Variants in RFNG observed in about 807,000 individuals in gnomAD.
RFNG encodes RFNG O-fucosylpeptide 3-beta-N-acetylglucosaminyltransferase.
A neutral mutation model predicts 29.6 loss-of-function variants in RFNG; 37 were observed. The observed-to-expected ratio is 1.25, with a 90% CI of 0.96 to 1.65. RFNG has a LOEUF of 1.65. Ranked by LOEUF, RFNG falls within the 40% of genes most tolerant of loss-of-function variation. RFNG has a pLI of 0.00. For missense variants in RFNG, 546 were observed against 457.0 expected, an observed-to-expected ratio of 1.19 and a Z score of -1.78; for synonymous variants, 276 against 197.3, an observed-to-expected ratio of 1.40 and a Z score of -3.34.
At position 82,048,531 on chromosome 17, in the gene RFNG, C is replaced by A; in HGVS notation, c.*195G>T. 1.7e-6 allele frequency: 1 copy of A among 596,330 alleles called. No homozygotes were observed. Among genetic ancestry groups the A allele is most frequent in the Non-Finnish European group, 3.0e-6 (1 of 333,602 alleles). The allele number at this position is 596,330 out of a possible 1,614,324, so 36.9% of individuals were successfully genotyped here. The stretch of plus-strand genomic sequence containing the variant: ...GGCCATCAGCCTGGCTGTCTTCGTT[C>A]TCCCAAAACACCCATCACCGCAGCC... On this transcript the variant is annotated 3_prime_UTR_variant, in exon 8 of 8. Coordinates refer to ENST00000310496, the MANE Select transcript of RFNG (RefSeq NM_002917.2).
chr17:82,051,754 G>C lies in RFNG; in HGVS notation c.13C>G (p.Arg5Gly), dbSNP rs1481890738. 2 of 1,087,432 alleles carry C rather than the reference G, an allele frequency of 1.8e-6. No individual in the cohort carries two copies. The highest frequency in any genetic ancestry group is 1.7e-5 in the African/African-American group (1 of 59,086). 67.4% of individuals were successfully genotyped at this position (1,087,432 alleles called of 1,614,324 possible). A position where few individuals can be genotyped will look rare whatever the true frequency, so the allele number is the denominator to read the frequency against. ...AGGCAGGCCCGGCACAGCGCCCCACGCGCGCGGCTCATGCGGCCGCCGGGA... is the reference window on the plus strand; with the variant it reads ...AGGCAGGCCCGGCACAGCGCCCCACCCGCGCGGCTCATGCGGCCGCCGGGA... MSRA[R>G]GALCRACLAL... The change falls in exon 1 of 8, where the codon CGT becomes GGT. Residue 5 changes from arginine to glycine, a missense_variant. Physicochemically the swap from Arg to Gly is moderately radical, Grantham distance 125. Coordinates refer to ENST00000310496, the MANE Select transcript of RFNG (RefSeq NM_002917.2). The surrounding 1 kb of genome is among the most constrained non-coding windows in gnomAD (Gnocchi z 4.1).
chr17:82,049,457 T>C (rs1179189838), intron 6 of RFNG: 1 of 715,690 alleles, frequency 1.4e-6, no homozygotes, highest in South Asian at 1.5e-5. Flanking sequence ...CCGAGAACTG[T>C]GCTTCTCCCC....
Position 82,051,222 on chromosome 17 carries a change from G to C in RFNG, c.316+72C>G. On this transcript the variant is annotated intron_variant, in intron 2 of 7. Coordinates refer to ENST00000310496, the MANE Select transcript of RFNG (RefSeq NM_002917.2). This position sits in a 1 kb window ranked among gnomAD's most constrained non-coding sequence, Gnocchi z 4.1. Reference sequence around the variant, plus strand: ...GAGAAAGGCACCCACAGCAGCGAAGGGGCCGTGGCTTCGGAGCGAGAAAGG... The same window carrying C: ...GAGAAAGGCACCCACAGCAGCGAAGCGGCCGTGGCTTCGGAGCGAGAAAGG... The C allele has an allele frequency of 7.6e-7, 1 of 1,311,656 alleles. No homozygotes were observed. The highest frequency in any genetic ancestry group is 3.0e-5 in the East Asian group (1 of 32,798). The allele number at this position is 1,311,656 out of a possible 1,614,324, so 81.3% of individuals were successfully genotyped here.
chr17:82,048,857 GGGGC>G, intron 7 of RFNG, 50 bp from the exon 8 acceptor site: 2 of 1,555,192 alleles, frequency 1.3e-6, no homozygotes, highest in Non-Finnish European at 1.8e-6. Flanking sequence ...GAGAGAAGCG[GGGGC>G]CAGGGCCGTG....
chr17:82,049,993 T>C lies in RFNG; in HGVS notation c.587A>G (p.Lys196Arg). The change falls in exon 5 of 8, where the codon AAG (lysine) becomes AGG (arginine). Residue 196 changes from lysine (K) to arginine (R), a missense_variant. Lys to Arg is a conservative substitution (Grantham distance 26, BLOSUM62 2). Coordinates refer to ENST00000310496, the MANE Select transcript of RFNG (RefSeq NM_002917.2). ...GGCCCCACCAGTAGCAAACCAGAAC[T>C]TGACCGTGGTCACCTGAAGATGGGG... ...VQGGRTVTTVKFWFATGGAGF... is the reference protein window; with the variant it reads ...VQGGRTVTTVRFWFATGGAGF... 6.2e-7 allele frequency: 1 copy of C among 1,611,190 alleles called. No individual in the cohort carries two copies. The highest frequency in any genetic ancestry group is 8.5e-7 in the Non-Finnish European group (1 of 1,179,024).
rs572737101 is a variant in RFNG, at chr17:82,050,237, C to T, written c.573+165G>A. ...CCTCTCTGCCCAGTACGGTGAGGGC[C>T]TCCTGGCCTGCTCCTGAAACACCAC... On this transcript the variant is annotated intron_variant, in intron 4 of 7. Coordinates refer to ENST00000310496, the MANE Select transcript of RFNG (RefSeq NM_002917.2). 1.4e-5 allele frequency: 13 copies of T among 906,056 alleles called. 1 individual carries two copies. The Middle Eastern group carries it at 8.9e-4, about 62-fold the overall frequency. The allele number at this position is 906,056 out of a possible 1,614,324, so 56.1% of individuals were successfully genotyped here.
In RFNG at chr17:82,051,807, G is replaced by C; in HGVS notation, c.-41C>G. ...CCCGGCGCTGCGAGCGGAGAACCTG[G>C]CCGGAGCCGTGGGTGGGCGGCGGCC... On this transcript the variant is annotated 5_prime_UTR_variant, in exon 1 of 8. Coordinates refer to ENST00000310496, the MANE Select transcript of RFNG (RefSeq NM_002917.2). The surrounding 1 kb of genome is among the most constrained non-coding windows in gnomAD (Gnocchi z 4.1). The C allele has an allele frequency of 8.8e-7, 1 of 1,133,248 alleles. No homozygotes were observed. Among genetic ancestry groups the C allele is most frequent in the Non-Finnish European group, 1.1e-6 (1 of 923,928 alleles). The allele number at this position is 1,133,248 out of a possible 1,614,324, so 70.2% of individuals were successfully genotyped here. A position where few individuals can be genotyped will look rare whatever the true frequency, so the allele number is the denominator to read the frequency against.
At chr17:82,048,885 C>G (rs866851454) in intron 7 of RFNG, 78 bp from the exon 8 acceptor site, 22 of 1,446,166 alleles carry the variant, frequency 1.5e-5, no homozygotes, top group African/African-American at 1.3e-4. Context: ...GGCGGGAGAA[C>G]CTGGGGTCAG....
chr17:82,051,373 G>C lies in RFNG; in HGVS notation c.268-31C>G. ...GGAGAAACAATCTATGAGGCTTCTG[G>C]GGCGCTGCCCAGGCCGGAGACCGAC... is the stretch of plus-strand genomic sequence containing the variant. On this transcript the variant is annotated intron_variant, in intron 1 of 7. Coordinates refer to ENST00000310496, the MANE Select transcript of RFNG (RefSeq NM_002917.2). The surrounding 1 kb of genome is among the most constrained non-coding windows in gnomAD (Gnocchi z 4.1). The C allele has an allele frequency of 6.9e-7, 1 of 1,452,804 alleles. No individual in the cohort carries two copies. The highest frequency in any genetic ancestry group is 9.0e-7 in the Non-Finnish European group (1 of 1,111,130). 90.0% of individuals were successfully genotyped at this position (1,452,804 alleles called of 1,614,324 possible).
Position 82,048,666 on chromosome 17 carries a change from G to C in RFNG, c.*60C>G. The C allele has an allele frequency of 7.2e-7, 1 of 1,394,838 alleles. No homozygotes were observed. The highest frequency in any genetic ancestry group is 1.2e-5 in the South Asian group (1 of 86,720). 86.4% of individuals were successfully genotyped at this position (1,394,838 alleles called of 1,614,324 possible). A position where few individuals can be genotyped will look rare whatever the true frequency, so the allele number is the denominator to read the frequency against. ...TGAGGGAGCCCACTGAGCCCATAGG[G>C]GGCTCTGGTTCCCCGCGCCTGGGAC... On this transcript the variant is annotated 3_prime_UTR_variant, in exon 8 of 8. Coordinates refer to ENST00000310496, the MANE Select transcript of RFNG (RefSeq NM_002917.2).
rs756838671 is a variant in RFNG, at chr17:82,048,704, C to T, written c.*22G>A. 2.5e-6 allele frequency: 4 copies of T among 1,604,056 alleles called. No individual in the cohort carries two copies. The South Asian group carries it at 3.3e-5, about 13-fold the overall frequency. ...CCGCGCCTGGGACAGAGCCAGGCAG[C>T]CCTGGGTCGGGGTGGTTGGTGTCAC... On this transcript the variant is annotated 3_prime_UTR_variant, in exon 8 of 8. Coordinates refer to ENST00000310496, the MANE Select transcript of RFNG (RefSeq NM_002917.2).
In RFNG at chr17:82,051,546, C is replaced by T; in HGVS notation, c.221G>A (p.Arg74His). The change falls in exon 1 of 8, where the codon CGC (arginine) becomes CAC (histidine). Residue 74 changes from arginine to histidine, a missense_variant. Physicochemically the swap from Arg to His is conservative, Grantham distance 29. Coordinates refer to ENST00000310496, the MANE Select transcript of RFNG (RefSeq NM_002917.2). This position sits in a 1 kb window ranked among gnomAD's most constrained non-coding sequence, Gnocchi z 4.1. The part of the protein sequence containing the change: ...VKTTRKNHGP[R>H]LRLLLRTWIS... ...CCAGGTGCGCAGCAGCAGCCGCAGG[C>T]GCGGCCCGTGGTTCTTCCGGGTGGT... 1 of 1,398,210 alleles carries T rather than the reference C, an allele frequency of 7.2e-7. No individual in the cohort carries two copies. Among genetic ancestry groups the T allele is most frequent in the African/African-American group, 1.5e-5 (1 of 66,114 alleles). The allele number at this position is 1,398,210 out of a possible 1,614,324, so 86.6% of individuals were successfully genotyped here.
chr17:82,051,193 G>C lies in RFNG; in HGVS notation c.316+101C>G, dbSNP rs1255487929. The stretch of plus-strand genomic sequence containing the variant: ...GGCCTCCCCGGGCCTCGGGAGCCTG[G>C]GCAGAGAAAGGCACCCACAGCAGCG... On this transcript the variant is annotated intron_variant, in intron 2 of 7. Transcript: ENST00000310496. This position sits in a 1 kb window ranked among gnomAD's most constrained non-coding sequence, Gnocchi z 4.1. 2 of 1,307,344 alleles carry C rather than the reference G, an allele frequency of 1.5e-6. No individual in the cohort carries two copies. Among genetic ancestry groups the C allele is most frequent in the Non-Finnish European group, 9.8e-7 (1 of 1,024,880 alleles). The allele number at this position is 1,307,344 out of a possible 1,614,324, so 81.0% of individuals were successfully genotyped here. A position where few individuals can be genotyped will look rare whatever the true frequency, so the allele number is the denominator to read the frequency against.
intron 2 of RFNG, chr17:82,050,965 G>C (rs548318995): frequency 2.8e-6 from 4 of 1,428,854 alleles, no homozygotes; most frequent in South Asian, 3.0e-5. Flanking sequence ...GCGGCCATCG[G>C]TTGGGATCTC....
At chr17:82,048,925 A>G in intron 7 of RFNG, 106 bp downstream of exon 7, 1 of 1,442,096 alleles carries the variant, frequency 6.9e-7, no homozygotes, top group South Asian at 1.2e-5. Flanking sequence ...AGCCGGGGTC[A>G]GGGCCGTGGG....
Position 82,050,431 on chromosome 17 carries a change from C to T in RFNG, c.544G>A (p.Ala182Thr), listed in dbSNP as rs1186755783. Reference protein sequence around the residue: ...GRPSLDHPIEATERVQGGRTV... With the variant: ...GRPSLDHPIETTERVQGGRTV... ...CTGCCACCCTGGACCCTCTCGGTGG[C>T]CTCAATGGGGTGGTCCAGGCTGGGC... is the stretch of plus-strand genomic sequence containing the variant. The change falls in exon 4 of 8, where the codon GCC becomes ACC. Residue 182 changes from alanine to threonine, a missense_variant. Transcript: ENST00000310496. 3.1e-6 allele frequency: 5 copies of T among 1,604,448 alleles called. No homozygotes were observed. Among genetic ancestry groups the T allele is most frequent in the Admixed American group, 1.7e-5 (1 of 57,480 alleles).
chr17:82,051,591 T>C lies in RFNG; in HGVS notation c.176A>G (p.Asp59Gly), dbSNP rs749521395. 1.8e-4 allele frequency: 233 copies of C among 1,304,632 alleles called. 1 individual carries two copies. The highest frequency in any genetic ancestry group is 1.7e-5 in the Non-Finnish European group (17 of 1,024,928). The allele number at this position is 1,304,632 out of a possible 1,614,324, so 80.8% of individuals were successfully genotyped here. The change falls in exon 1 of 8, where the codon GAC becomes GGC. Residue 59 changes from aspartate (D) to glycine (G), a missense_variant. Transcript: ENST00000310496. This position sits in a 1 kb window ranked among gnomAD's most constrained non-coding sequence, Gnocchi z 4.1. ...RPAAPSLRPD[D>G]VFIAVKTTRK... ...GGTGGTCTTGACGGCGATGAAGACG[T>C]CGTCAGGCCGCAGGCTGGGGGCAGC...
Position 82,049,820 on chromosome 17 carries a change from C to A in RFNG, c.685G>T (p.Ala229Ser). The change falls in exon 6 of 8, where the codon GCT becomes TCT. Residue 229 changes from alanine (A) to serine (S), a missense_variant. Transcript: ENST00000310496. ...TCATCCGGCAGCCGCACCTGCTCAGCTGTGCTCATGAAGCTGCCCAGGCTG... is the reference window on the plus strand; with the variant it reads ...TCATCCGGCAGCCGCACCTGCTCAGATGTGCTCATGAAGCTGCCCAGGCTG... ...WASLGSFMST[A>S]EQVRLPDDCT... 1 of 1,585,302 alleles carries A rather than the reference C, an allele frequency of 6.3e-7. No homozygotes were observed. The highest frequency in any genetic ancestry group is 8.6e-7 in the Non-Finnish European group (1 of 1,167,670).
chr17:82,048,528 G>A lies in RFNG; in HGVS notation c.*198C>T, dbSNP rs537184074. The stretch of plus-strand genomic sequence containing the variant: ...CCTGGCCATCAGCCTGGCTGTCTTC[G>A]TTCTCCCAAAACACCCATCACCGCA... On this transcript the variant is annotated 3_prime_UTR_variant, in exon 8 of 8. Transcript: ENST00000310496. 1.5e-4 allele frequency: 90 copies of A among 592,430 alleles called. No homozygotes were observed. The highest frequency in any genetic ancestry group is 9.1e-4 in the African/African-American group (49 of 53,736). The allele number at this position is 592,430 out of a possible 1,614,324, so 36.7% of individuals were successfully genotyped here. A position where few individuals can be genotyped will look rare whatever the true frequency, so the allele number is the denominator to read the frequency against.
Sources: allele counts gnomAD v4.1 joint callset, GRCh38; gene constraint gnomAD v4.1.1; non-coding constraint Gnocchi (gnomAD v3.1); transcripts MANE v1.5; gene names NCBI Gene and HGNC (gene_info 2026-07-23, HGNC 2026-07-21).